Variants in TEX9 observed in about 807,000 individuals in gnomAD.
TEX9 encodes testis-expressed protein 9.
In TEX9, 74 loss-of-function variants were observed where a neutral mutation model predicts 59.6. The ratio of observed to expected loss-of-function variants is 1.24; its 90% CI spans 1.03 to 1.51. The LOEUF is 1.51. Ranked by LOEUF, TEX9 falls within the 40% of genes most tolerant of loss-of-function variation. The pLI is 0.00. For missense variants in TEX9, 522 were observed against 447.8 expected (o/e 1.17, Z -1.49); for synonymous variants, 186 against 152.2 (o/e 1.22, Z -1.64).
At chr15:56,408,671 G>A (rs972704366) in intron 9 of TEX9, 2 of 151,536 alleles carry the variant, frequency 1.3e-5, no homozygotes, top group African/African-American at 4.9e-5. Context: ...CTTAGTAAAA[G>A]GCATCACCCA....
intron 1 of TEX9, among the ~76,000 whole-genome samples, chr15:56,304,804 C>A (rs2045439338): frequency 6.6e-6 from 1 of 152,128 alleles, no homozygotes; most frequent in African/African-American, 2.4e-5. Context: ...CTGACTGCAT[C>A]CTCATACTCC....
intron 1 of TEX9, among the ~76,000 whole-genome samples, chr15:56,285,163 A>G (rs2044921928): frequency 6.6e-6 from 1 of 152,040 alleles, no homozygotes; most frequent in South Asian, 2.1e-4. Context: ...CATCCTCTAG[A>G]ATTTTCGTTA....
chr15:56,294,003 C>T (rs1315533698), intron 1 of TEX9, among the ~76,000 whole-genome samples: 20 of 152,222 alleles, frequency 1.3e-4, no homozygotes, highest in African/African-American at 4.8e-4. Flanking sequence ...ACATTTGCAA[C>T]TGGTGTCATA....
intron 1 of TEX9, among the ~76,000 whole-genome samples, chr15:56,353,227 A>C (rs1370943237): frequency 2.0e-5 from 3 of 152,210 alleles, no homozygotes; most frequent in Non-Finnish European, 2.9e-5. Flanking sequence ...ATTAATGTAC[A>C]TGCTATAGTT....
intron 10 of TEX9, 38 bp from the exon 11 acceptor site, chr15:56,427,567 A>T (rs1466163589): frequency 4.4e-6 from 6 of 1,358,410 alleles, no homozygotes; most frequent in Non-Finnish European, 5.0e-6. Context: ...TTGAGGCTGT[A>T]TATTAAAAAT....
intron 9 of TEX9, among the ~76,000 whole-genome samples, chr15:56,405,735 C>G (rs2049046736): frequency 6.6e-6 from 1 of 152,022 alleles, no homozygotes; most frequent in Non-Finnish European, 1.5e-5. Flanking sequence ...TCTATACAAA[C>G]AAATCTCGGT....
At chr15:56,357,493 A>G (rs1225998374) in intron 1 of TEX9, among the ~76,000 whole-genome samples, 5 of 152,154 alleles carry the variant, frequency 3.3e-5, no homozygotes, top group Non-Finnish European at 7.4e-5. Context: ...AATTCTGGAA[A>G]ATTCTAAGGA....
chr15:56,424,176 T>C lies in TEX9; in HGVS notation c.964-3429T>C, dbSNP rs754350541. 1.3e-5 allele frequency among the ~76,000 whole-genome samples: 2 copies of C among 152,162 alleles called. 1 individual carries two copies. The highest frequency in any genetic ancestry group is 2.9e-5 in the Non-Finnish European group (2 of 68,018). The stretch of plus-strand genomic sequence containing the variant: ...TAGGCACTTTAATGTTTGGTACATA[T>C]ATAATTGTATCTATCTTCTTGCTGA... On this transcript the variant is annotated intron_variant, in intron 10 of 12. Coordinates refer to ENST00000352903, the Ensembl canonical transcript of TEX9.
In TEX9 at chr15:56,317,086, TG is replaced by T. The variant is rs201233147; in HGVS notation, c.-106-56353del. On this transcript the variant is annotated intron_variant, in intron 1 of 5. Coordinates refer to the TEX9 transcript ENST00000560827. ...AGTGAGATGAACCCGGTACCTCAGA[TG>T]GAAATGCGGAAATCACCCGTCTTCT... Among the ~76,000 whole-genome samples, 144 of 152,252 alleles carry T rather than the reference TG, an allele frequency of 9.5e-4. 2 individuals are homozygous for T. The East Asian group carries it at 0.027, about 28-fold the overall frequency.
At chr15:56,269,181 AT>A (rs1385065171) in intron 1 of TEX9, among the ~76,000 whole-genome samples, 3 of 151,910 alleles carry the variant, frequency 2.0e-5, no homozygotes, top group Non-Finnish European at 4.4e-5. Flanking sequence ...CCCCTTTGTC[AT>A]TTTTTATTGC....
intron 1 of TEX9, among the ~76,000 whole-genome samples, chr15:56,357,471 G>A (rs537546660): frequency 1.3e-5 from 2 of 151,906 alleles, no homozygotes; most frequent in African/African-American, 4.8e-5. Context: ...TTACATATTT[G>A]TATCTTTCCT....
At chr15:56,413,005 A>G (rs1301839956) in intron 10 of TEX9, among the ~76,000 whole-genome samples, 5 of 152,062 alleles carry the variant, frequency 3.3e-5, no homozygotes, top group Admixed American at 1.3e-4. Flanking sequence ...TGTCTAGCCA[A>G]TGCTTGGCAT....
intron 1 of TEX9, among the ~76,000 whole-genome samples, chr15:56,286,749 A>T (rs2141481910): frequency 6.6e-6 from 1 of 152,314 alleles, no homozygotes; most frequent in South Asian, 2.1e-4. Context: ...AAATGTAGAA[A>T]AATAAAGTTG....
intron 10 of TEX9, among the ~76,000 whole-genome samples, chr15:56,422,842 G>C (rs1274158585): frequency 1.3e-5 from 2 of 151,836 alleles, no homozygotes; most frequent in Admixed American, 1.3e-4. Flanking sequence ...AACCACCATT[G>C]TACTTTCTGT....
chr15:56,412,368 T>C, exon 10 of TEX9: 1 of 1,613,552 alleles, frequency 6.2e-7, no homozygotes, highest in Non-Finnish European at 8.5e-7. Flanking sequence ...AGAGGTTCGC[T>C]TGAATAGAGC....
intron 1 of TEX9, among the ~76,000 whole-genome samples, chr15:56,316,056 A>T (rs2045750460): frequency 6.7e-6 from 1 of 148,926 alleles, no homozygotes; most frequent in African/African-American, 2.4e-5. Context: ...CTTCTTCTAA[A>T]TTTTTTTCAA....
chr15:56,420,024 A>G (rs1240881866), intron 10 of TEX9, among the ~76,000 whole-genome samples: 1 of 151,556 alleles, frequency 6.6e-6, no homozygotes, highest in African/African-American at 2.4e-5. Context: ...GAATCTGTTC[A>G]TTTCGTTTAT....
chr15:56,280,112 G>T (rs2044779229), intron 1 of TEX9, among the ~76,000 whole-genome samples: 1 of 152,196 alleles, frequency 6.6e-6, no homozygotes, highest in Non-Finnish European at 1.5e-5. Context: ...GGCAGGCAAT[G>T]CTAAGCTATG....
chr15:56,305,872 T>A (rs2045470366), intron 1 of TEX9, among the ~76,000 whole-genome samples: 1 of 152,130 alleles, frequency 6.6e-6, no homozygotes, highest in African/African-American at 2.4e-5. Context: ...AATCTATCTA[T>A]CTGACAAGGG....
Sources: allele counts gnomAD v4.1 joint callset (sites outside exome capture counted in the v4.1 genomes callset), GRCh38; gene constraint gnomAD v4.1.1; transcripts MANE v1.5; gene names NCBI Gene and HGNC (gene_info 2026-07-23, HGNC 2026-07-21).